The following MEDAG variants were observed in gnomAD, a reference collection of about 807,000 sequenced individuals.
MEDAG encodes the protein mesenteric estrogen-dependent adipogenesis protein.
Under a neutral mutation model 29.9 loss-of-function variants are expected in MEDAG, and 25 were observed. The ratio of observed to expected loss-of-function variants is 0.84; its 90% CI spans 0.61 to 1.17. The LOEUF (loss-of-function observed/expected upper bound fraction) is 1.17, where lower values mean the gene tolerates loss of function less well. Ranked by LOEUF, MEDAG falls within the 50% of genes most tolerant of loss-of-function variation. MEDAG has a pLI of 0.00. For missense variants in MEDAG, 398 were observed against 372.9 expected, an observed-to-expected ratio of 1.07 and a Z score of -0.56; for synonymous variants, 158 against 148.2, an observed-to-expected ratio of 1.07 and a Z score of -0.48.
At chr13:30,916,444 A>C (rs1191021818) in intron 1 of MEDAG, 1 of 152,296 alleles carries the variant, frequency 6.6e-6, no homozygotes, top group African/African-American at 2.4e-5. Context: ...GTGGTGTAGC[A>C]AAAGGCAGCC....
chr13:30,920,893 G>A, intron 2 of MEDAG, 121 bp from the exon 3 acceptor site: 1 of 745,342 alleles, frequency 1.3e-6, no homozygotes, highest in Admixed American at 2.4e-5. Context: ...GAGCAGAGAG[G>A]AAGGTTATAA....
At chr13:30,912,337 T>C (rs964408357) in intron 1 of MEDAG, among the ~76,000 whole-genome samples, 3 of 152,218 alleles carry the variant, frequency 2.0e-5, no homozygotes, top group Admixed American at 6.5e-5. Flanking sequence ...TGGAAAGTCA[T>C]GGCAGGGGCA....
In MEDAG at chr13:30,919,606, G is replaced by A. The variant is rs554129422; in HGVS notation, c.389-1408G>A. Among the ~76,000 whole-genome samples, 5 of 152,264 alleles carry A rather than the reference G, an allele frequency of 3.3e-5. No homozygotes were observed. In the East Asian group the frequency reaches 5.8e-4, roughly 18 times the overall value. On this transcript the variant is annotated intron_variant, in intron 2 of 4. Coordinates refer to ENST00000380482, the MANE Select transcript of MEDAG (RefSeq NM_032849.4). ...TCTAAAGTGCCCAAAAAATAATTTT[G>A]GAGAAAGAAAAACATGGGTAAGAAA...
At position 30,924,688 on chromosome 13, in the gene MEDAG, G is replaced by A. The variant is rs1269721807; in HGVS notation, c.*253G>A. The A allele has an allele frequency of 5.8e-6, 2 of 344,180 alleles. No homozygotes were observed. Among genetic ancestry groups the A allele is most frequent in the Non-Finnish European group, 1.0e-5 (2 of 191,036 alleles). 21.3% of individuals were successfully genotyped at this position (344,180 alleles called of 1,614,324 possible). ...CCTTGGTCCCATGGCACTGGGTGGGGCTGGGGGATATTCTCTACTTTGAAC... is the reference window on the plus strand; with the variant it reads ...CCTTGGTCCCATGGCACTGGGTGGGACTGGGGGATATTCTCTACTTTGAAC... On this transcript the variant is annotated 3_prime_UTR_variant, in exon 5 of 5. Coordinates refer to ENST00000380482, the MANE Select transcript of MEDAG (RefSeq NM_032849.4).
chr13:30,907,039 ACTGGGGGCGAGGGGGAGGG>A (rs1952837937), intron 1 of MEDAG, among the ~76,000 whole-genome samples: 1 of 152,156 alleles, frequency 6.6e-6, no homozygotes, highest in African/African-American at 2.4e-5. Context: ...GGGCATCAGG[ACTGGGGGCGAGGGGGAGGG>A]CAGGGGCCCC....
At chr13:30,918,617 A>T (rs1307457152) in intron 2 of MEDAG, among the ~76,000 whole-genome samples, 1 of 152,176 alleles carries the variant, frequency 6.6e-6, no homozygotes, top group Non-Finnish European at 1.5e-5. Flanking sequence ...TATGTGGGGG[A>T]AGTCATGGGC....
rs577449449 is a variant in MEDAG at position 30,915,741 on chromosome 13, AG to A, written c.279-1660del. On this transcript the variant is annotated intron_variant, in intron 1 of 4. Transcript: ENST00000380482. ...GAGGATGAGGGCAGGGGAGGGGTGA[AG>A]GAAGACCCATACCAAAGCCATGTGT... Among the ~76,000 whole-genome samples the A allele has an allele frequency of 7.6e-3, 1,156 of 151,990 alleles. 18 individuals are homozygous for A. Among genetic ancestry groups the A allele is most frequent in the African/African-American group, 0.027 (1,113 of 41,436 alleles).
intron 1 of MEDAG, among the ~76,000 whole-genome samples, chr13:30,915,823 C>T (rs1038015346): frequency 1.3e-5 from 2 of 152,064 alleles, no homozygotes; most frequent in Non-Finnish European, 2.9e-5. Flanking sequence ...CAGCGCCCCA[C>T]CCCAGCGCCC....
chr13:30,920,429 A>T (rs1424513308), intron 2 of MEDAG, among the ~76,000 whole-genome samples: 1 of 152,058 alleles, frequency 6.6e-6, no homozygotes, highest in Non-Finnish European at 1.5e-5. Context: ...CTGCAAAAAA[A>T]AATACAAAAA....
chr13:30,921,681 T>G lies in MEDAG; in HGVS notation c.622T>G (p.Phe208Val), dbSNP rs1186357568. The change falls in exon 4 of 5, where the codon TTT becomes GTT. Residue 208 changes from phenylalanine to valine, a missense_variant. Transcript: ENST00000380482. ...ADALFDFFYW[F>V]GLSNSVVKVN... is the part of the protein sequence containing the mutation. ...TGCATTATTTGATTTCTTCTATTGG[T>G]TTGGGCTCAGTAATTCCGTTGTAAA... 1 of 1,614,120 alleles carries G rather than the reference T, an allele frequency of 6.2e-7. No homozygotes were observed. Among genetic ancestry groups the G allele is most frequent in the Non-Finnish European group, 8.5e-7 (1 of 1,180,002 alleles).
At chr13:30,921,898 G>C (rs1430596915) in intron 4 of MEDAG, 52 bp downstream of exon 4, 3 of 1,515,986 alleles carry the variant, frequency 2.0e-6, no homozygotes, top group Non-Finnish European at 2.6e-6. Context: ...TAAAAGGGTA[G>C]AGTAAAATAA....
In MEDAG at chr13:30,906,642, C is replaced by T; in HGVS notation, c.127C>T (p.Leu43=). 6.3e-7 allele frequency: 1 copy of T among 1,576,966 alleles called. No homozygotes were observed. Among genetic ancestry groups the T allele is most frequent in the South Asian group, 1.1e-5 (1 of 87,984 alleles). The change falls in exon 1 of 5, where the codon CTG becomes TTG. Residue 43 remains leucine, a synonymous_variant. Transcript: ENST00000380482. ...ALLPLAQLLR[L]QPGAFQLSGD... ...GCTGCCGCTGGCTCAGCTGCTGCGCCTGCAGCCCGGTGCCTTCCAGCTGAG... is the reference window on the plus strand; with the variant it reads ...GCTGCCGCTGGCTCAGCTGCTGCGCTTGCAGCCCGGTGCCTTCCAGCTGAG...
intron 1 of MEDAG, chr13:30,908,628 T>G (rs775960587): frequency 6.6e-6 from 1 of 152,194 alleles, no homozygotes; most frequent in Admixed American, 6.5e-5. Context: ...TTCGTTCCTC[T>G]GAGCTGCCAA....
At chr13:30,914,317 T>C (rs1408423207) in intron 1 of MEDAG, among the ~76,000 whole-genome samples, 1 of 152,192 alleles carries the variant, frequency 6.6e-6, no homozygotes, top group Non-Finnish European at 1.5e-5. Context: ...GTGGCCTGGT[T>C]AGAGTTAGGG....
rs115075050 is a variant in MEDAG, at chr13:30,910,924, T to C, written c.278+4131T>C. On this transcript the variant is annotated intron_variant, in intron 1 of 4. Coordinates refer to ENST00000380482, the MANE Select transcript of MEDAG (RefSeq NM_032849.4). ...GAGATTCCAACTTGAGGCTGGGAGG[T>C]TGGAAGATGTGGTCTTAGATGTAGC... Among the ~76,000 whole-genome samples the C allele has an allele frequency of 5.2e-3, 794 of 152,224 alleles. 9 individuals are homozygous for C. Among genetic ancestry groups the C allele is most frequent in the African/African-American group, 0.018 (747 of 41,542 alleles).
intron 1 of MEDAG, among the ~76,000 whole-genome samples, chr13:30,907,152 C>A (rs992222078): frequency 1.3e-5 from 2 of 152,200 alleles, no homozygotes; most frequent in African/African-American, 4.8e-5. Flanking sequence ...GGAGCACACC[C>A]TTTAGGGGCT....
At chr13:30,914,770 A>G (rs1006438708) in intron 1 of MEDAG, among the ~76,000 whole-genome samples, 5 of 152,222 alleles carry the variant, frequency 3.3e-5, no homozygotes, top group African/African-American at 1.2e-4. Context: ...TCACTGACCC[A>G]TTGGATGTCA....
In MEDAG at chr13:30,907,924, C is replaced by T. The variant is rs1175228543; in HGVS notation, c.278+1131C>T. Among the ~76,000 whole-genome samples, 4 of 152,312 alleles carry T rather than the reference C, an allele frequency of 2.6e-5. No homozygotes were observed. The East Asian group carries it at 7.7e-4, about 29-fold the overall frequency. On this transcript the variant is annotated intron_variant, in intron 1 of 4. Transcript: ENST00000380482. ...GGCTCTGAATGCCTGAAGAACCATT[C>T]CCCAGCAAGAATTTCTCCCTTTCTT...
In MEDAG at chr13:30,913,724, T is replaced by C. The variant is rs138768270; in HGVS notation, c.279-3679T>C. 5.6e-3 allele frequency among the ~76,000 whole-genome samples: 850 copies of C among 152,258 alleles called. 14 individuals carry two copies. Among genetic ancestry groups the C allele is most frequent in the African/African-American group, 0.019 (803 of 41,542 alleles). ...AAATATTCAATATGTAGAAGCAATATTTGCATTAGTAATTCTGAAATATCT... is the reference window on the plus strand; with the variant it reads ...AAATATTCAATATGTAGAAGCAATACTTGCATTAGTAATTCTGAAATATCT... On this transcript the variant is annotated intron_variant, in intron 1 of 4. Transcript: ENST00000380482.
Sources: gnomAD v4.1 joint callset for allele counts (sites outside exome capture counted in the v4.1 genomes callset) on GRCh38, gnomAD v4.1.1 for gene constraint, MANE v1.5 for transcripts, NCBI Gene and HGNC (gene_info 2026-07-23, HGNC 2026-07-21) for gene names.